FBXO11: variants seen among roughly 807,000 people sequenced by gnomAD.
FBXO11 encodes F-box only protein 11.
In FBXO11, 13 loss-of-function variants were observed where a neutral mutation model predicts 117.0. The ratio of observed to expected loss-of-function variants is 0.11; its 90% CI spans 0.07 to 0.18. The LOEUF (loss-of-function observed/expected upper bound fraction) is 0.18. Among genes scored for constraint, FBXO11 ranks in the 10% least tolerant of loss-of-function variants. FBXO11 has a pLI of 1.00. For missense variants in FBXO11, 767 were observed against 1,164.4 expected (o/e 0.66, Z 4.97); for synonymous variants, 490 against 380.5 (o/e 1.29, Z -3.35).
chr2:47,807,061 T>G lies in FBXO11; in HGVS notation c.*1057A>C. ...AATATATTAAGTCTAGATGTTATGG[T>G]ACATGCATACACTTTCAGGCTGTTT... On this transcript the variant is annotated 3_prime_UTR_variant, in exon 23 of 23. Transcript: ENST00000403359. The G allele has an allele frequency of 1.7e-6, 1 of 576,522 alleles. No homozygotes were observed. The highest frequency in any genetic ancestry group is 2.1e-5 in the South Asian group (1 of 47,138). 35.7% of individuals were successfully genotyped at this position (576,522 alleles called of 1,614,324 possible).
chr2:47,864,354 A>C (rs2033653787), intron 1 of FBXO11, among the ~76,000 whole-genome samples: 1 of 152,214 alleles, frequency 6.6e-6, no homozygotes, highest in Non-Finnish European at 1.5e-5. Flanking sequence ...TTGGGAGGCC[A>C]GGGCAGGCAG....
At chr2:47,820,652 G>A (rs1451724221) in intron 13 of FBXO11, among the ~76,000 whole-genome samples, 196 bp from the exon 14 acceptor site, 2 of 152,220 alleles carry the variant, frequency 1.3e-5, no homozygotes, top group Non-Finnish European at 2.9e-5. Context: ...TAGTTGTGGA[G>A]CCGAGCTGCC....
intron 1 of FBXO11, among the ~76,000 whole-genome samples, chr2:47,878,715 T>C (rs1572893277): frequency 6.6e-6 from 1 of 151,336 alleles, no homozygotes; most frequent in Admixed American, 6.6e-5. Context: ...CGGTGGCTCA[T>C]GCCTGTAATC....
At chr2:47,842,783 A>G (rs1286758680) in intron 1 of FBXO11, among the ~76,000 whole-genome samples, 26 of 151,312 alleles carry the variant, frequency 1.7e-4, no homozygotes, top group South Asian at 4.2e-4. Flanking sequence ...TTTCTTTAAA[A>G]AAAAAAAAAA....
Position 47,905,543 on chromosome 2 carries a change from G to A in FBXO11, c.178C>T (p.Pro60Ser), listed in dbSNP as rs1678727446. ...QQQQQQQPPPPPPPPPPLPQE... is the reference protein window; with the variant it reads ...QQQQQQQPPPSPPPPPPLPQE... ...GGCAGCGGCGGAGGCGGCGGTGGCG[G>A]CGGCGGAGGCTGCTGCTGCTGCTGC... is the stretch of plus-strand genomic sequence containing the variant. The change falls in exon 1 of 23, where the codon CCG becomes TCG. Residue 60 changes from proline to serine, a missense_variant. By Grantham distance (74) the Pro-to-Ser change is moderately conservative (BLOSUM62 -1). Around this residue, in one of 10 missense-constraint regions of FBXO11, gnomAD observed 355 missense variants for 299.8 expected, o/e 1.18. Transcript: ENST00000403359. The A allele has an allele frequency of 2.4e-6, 3 of 1,240,718 alleles. No individual in the cohort carries two copies. The highest frequency in any genetic ancestry group is 3.0e-6 in the Non-Finnish European group (3 of 995,086). The allele number at this position is 1,240,718 out of a possible 1,614,324, so 76.9% of individuals were successfully genotyped here. A position where few individuals can be genotyped will look rare whatever the true frequency, so the allele number is the denominator to read the frequency against.
chr2:47,833,521 CAA>C (rs1205800471), intron 7 of FBXO11, among the ~76,000 whole-genome samples: 2 of 152,046 alleles, frequency 1.3e-5, no homozygotes, highest in Non-Finnish European at 1.5e-5. Flanking sequence ...AGGAAGAAAG[CAA>C]AAGAGGCTGT....
intron 21 of FBXO11, 39 bp from the exon 22 acceptor site, chr2:47,808,466 T>A: frequency 1.3e-6 from 2 of 1,508,144 alleles, no homozygotes; most frequent in Non-Finnish European, 1.8e-6. Context: ...CTCAAACATG[T>A]CATTAATGCA....
intron 11 of FBXO11, among the ~76,000 whole-genome samples, chr2:47,829,022 A>T (rs558961348): frequency 1.4e-5 from 2 of 147,088 alleles, no homozygotes; most frequent in Non-Finnish European, 3.0e-5. Context: ...CCCCACTTCA[A>T]GTGATTCTCA....
At chr2:47,832,909 A>C (rs1173646528) in intron 8 of FBXO11, 29 bp from the exon 9 acceptor site, 2 of 1,608,104 alleles carry the variant, frequency 1.2e-6, no homozygotes, top group African/African-American at 2.7e-5. Flanking sequence ...GTTTGAAATA[A>C]ACAATTACTG....
intron 1 of FBXO11, among the ~76,000 whole-genome samples, chr2:47,875,032 C>T (rs1272052043): frequency 1.3e-5 from 2 of 152,066 alleles, no homozygotes; most frequent in South Asian, 4.1e-4. Flanking sequence ...ATATGATCAT[C>T]TCAAGAATCA....
chr2:47,821,112 T>G (rs1197453992), intron 13 of FBXO11, among the ~76,000 whole-genome samples: 1 of 152,248 alleles, frequency 6.6e-6, no homozygotes, highest in African/African-American at 2.4e-5. Flanking sequence ...GACTAAGGTC[T>G]TATTTATATT....
intron 1 of FBXO11, among the ~76,000 whole-genome samples, chr2:47,849,660 A>G (rs1673701535): frequency 6.6e-6 from 1 of 152,234 alleles, no homozygotes; most frequent in Non-Finnish European, 1.5e-5. Flanking sequence ...GGGAATATTT[A>G]AGAACATCTA....
chr2:47,873,771 T>C (rs1392036433), intron 1 of FBXO11, among the ~76,000 whole-genome samples: 1 of 152,226 alleles, frequency 6.6e-6, no homozygotes, highest in Non-Finnish European at 1.5e-5. Flanking sequence ...GTTTATGCCT[T>C]TTAAAAATTA....
At position 47,891,123 on chromosome 2, in the gene FBXO11, A is replaced by G. The variant is rs188693960; in HGVS notation, c.232+14366T>C. On this transcript the variant is annotated intron_variant, in intron 1 of 22. Coordinates refer to ENST00000403359, the MANE Select transcript of FBXO11 (RefSeq NM_001190274.2). Reference sequence around the variant, plus strand: ...ACAGGCATGAGCCACTGCCAAAACTATTACTTTTTACTTTATTCTCATACA... The same window carrying G: ...ACAGGCATGAGCCACTGCCAAAACTGTTACTTTTTACTTTATTCTCATACA... Among the ~76,000 whole-genome samples the G allele has an allele frequency of 3.3e-5, 5 of 152,028 alleles. No homozygotes were observed. In the South Asian group the frequency reaches 6.2e-4, roughly 19 times the overall value.
At chr2:47,836,066 CAACTAT>C in intron 4 of FBXO11, 65 bp from the exon 5 acceptor site, 1 of 1,178,074 alleles carries the variant, frequency 8.5e-7, no homozygotes, top group Non-Finnish European at 1.2e-6. Context: ...CAGTTTTGAA[CAACTAT>C]AACAATTATT....
At chr2:47,842,979 T>TCTCA (rs1357201662) in intron 1 of FBXO11, among the ~76,000 whole-genome samples, 1 of 152,012 alleles carries the variant, frequency 6.6e-6, no homozygotes, top group Non-Finnish European at 1.5e-5. Flanking sequence ...AGACACAAGG[T>TCTCA]CTCACCATGT....
chr2:47,881,179 GAGTCGGAGGTTGC>G (rs1676404130), intron 1 of FBXO11, among the ~76,000 whole-genome samples: 1 of 152,174 alleles, frequency 6.6e-6, no homozygotes, highest in Non-Finnish European at 1.5e-5. Context: ...TTGAACCCGG[GAGTCGGAGGTTGC>G]AGTGAGCCAA....
chr2:47,887,540 A>C (rs1311250373), intron 1 of FBXO11, among the ~76,000 whole-genome samples: 1 of 151,812 alleles, frequency 6.6e-6, no homozygotes, highest in African/African-American at 2.4e-5. Flanking sequence ...CCAACCTAGG[A>C]GACAAAACAA....
At chr2:47,884,228 A>G (rs187387804) in intron 1 of FBXO11, among the ~76,000 whole-genome samples, 5 of 152,310 alleles carry the variant, frequency 3.3e-5, no homozygotes, top group Non-Finnish European at 7.4e-5. Flanking sequence ...CAAGAAATAA[A>G]TAAATAAAAA....
Sources: allele counts gnomAD v4.1 joint callset (sites outside exome capture counted in the v4.1 genomes callset), GRCh38; gene constraint gnomAD v4.1.1; regional missense constraint gnomAD v4.1.1; transcripts MANE v1.5; gene names NCBI Gene and HGNC (gene_info 2026-07-23, HGNC 2026-07-21).